The following VPS13B variants were observed in gnomAD, a reference collection of about 807,000 sequenced individuals.
VPS13B encodes the protein vacuolar protein sorting 13 homolog B, also known as intermembrane lipid transfer protein VPS13B.
Under a neutral mutation model 426.4 loss-of-function variants are expected in VPS13B, and 285 were observed. That is an observed-to-expected ratio of 0.67 (90% CI 0.61 to 0.74). The LOEUF is 0.74. VPS13B is among the 30% of genes least tolerant of loss of function. The probability of loss-of-function intolerance (pLI) is 0.00; values close to 1 mark genes in which losing one functional copy is unlikely to be tolerated. For synonymous variants in VPS13B, 1,676 were observed against 1,676.4 expected, an observed-to-expected ratio of 1.00 and a Z score of 0.01; for missense variants, 4,537 against 4,782.6, an observed-to-expected ratio of 0.95 and a Z score of 1.51.
At chr8:99,850,536 TTA>T (rs1816236358) in intron 55 of VPS13B, among the ~76,000 whole-genome samples, 1 of 151,808 alleles carries the variant, frequency 6.6e-6, no homozygotes. Context: ...TTTTGATTAT[TTA>T]TAATAGCATT....
At chr8:99,696,683 C>A in intron 35 of VPS13B, 1 of 769,094 alleles carries the variant, frequency 1.3e-6, no homozygotes, top group Non-Finnish European at 2.4e-6. Flanking sequence ...CCTTGAAGAA[C>A]ATAGCAGCCA....
At chr8:99,687,998 A>G (rs1831489723) in intron 35 of VPS13B, among the ~76,000 whole-genome samples, 2 of 151,998 alleles carry the variant, frequency 1.3e-5, no homozygotes, top group Admixed American at 1.3e-4. Context: ...TAAACTGGCA[A>G]AGAAAGGGTA....
At chr8:99,218,389 A>T (rs1187175880) in intron 17 of VPS13B, among the ~76,000 whole-genome samples, 1 of 152,154 alleles carries the variant, frequency 6.6e-6, no homozygotes, top group African/African-American at 2.4e-5. Flanking sequence ...CCAAAAGGAG[A>T]TGATTCCTTT....
intron 3 of VPS13B, among the ~76,000 whole-genome samples, chr8:99,055,905 T>C (rs1457724951): frequency 6.7e-6 from 1 of 149,248 alleles, no homozygotes; most frequent in Non-Finnish European, 1.5e-5. Context: ...AATTAATTTT[T>C]TTTTTTTTTT....
At chr8:99,811,093 C>T (rs1403607819) in intron 44 of VPS13B, among the ~76,000 whole-genome samples, 1 of 152,166 alleles carries the variant, frequency 6.6e-6, no homozygotes, top group Non-Finnish European at 1.5e-5. Context: ...GAATGTCTTA[C>T]CCACCTTCCC....
intron 24 of VPS13B, among the ~76,000 whole-genome samples, chr8:99,478,462 T>TTTTTTTTTTTTTTTTTTTTTTTTG: frequency 8.1e-6 from 1 of 123,496 alleles, no homozygotes; most frequent in Non-Finnish European, 1.6e-5. Context: ...TTTTTTTTTT[T>TTTTTTTTTTTTTTTTTTTTTTTTG]TTTGTTTTTT....
intron 19 of VPS13B, among the ~76,000 whole-genome samples, chr8:99,377,043 A>C (rs2133276625): frequency 6.6e-6 from 1 of 152,220 alleles, no homozygotes; most frequent in East Asian, 1.9e-4. Flanking sequence ...GAAGTTGGTC[A>C]TAAATTTATT....
intron 19 of VPS13B, among the ~76,000 whole-genome samples, chr8:99,288,875 G>T (rs1465063397): frequency 1.2e-4 from 18 of 151,958 alleles, no homozygotes; most frequent in Non-Finnish European, 2.5e-4. Flanking sequence ...TTTTGACATA[G>T]GAACAAAGAT....
intron 5 of VPS13B, among the ~76,000 whole-genome samples, chr8:99,105,470 C>T (rs1009528915): frequency 3.9e-5 from 6 of 152,110 alleles, no homozygotes; most frequent in Non-Finnish European, 7.4e-5. Context: ...CTTCTGCCTC[C>T]CGGGTTCAAG....
At chr8:99,796,826 C>G (rs2130746069) in intron 43 of VPS13B, 1 of 152,368 alleles carries the variant, frequency 6.6e-6, no homozygotes, top group East Asian at 1.9e-4. Flanking sequence ...TCCACGTGAT[C>G]TCACCAACAA....
At chr8:99,473,971 C>T (rs1015074469) in intron 24 of VPS13B, among the ~76,000 whole-genome samples, 14 of 152,028 alleles carry the variant, frequency 9.2e-5, no homozygotes, top group Admixed American at 3.3e-4. Flanking sequence ...AACCATAAAG[C>T]GTTGCTGAGA....
At chr8:99,323,032 A>C (rs1204185993) in intron 19 of VPS13B, among the ~76,000 whole-genome samples, 3 of 152,228 alleles carry the variant, frequency 2.0e-5, no homozygotes, top group Non-Finnish European at 4.4e-5. Flanking sequence ...AAGAGAGCCA[A>C]ATACTAGGAA....
At chr8:99,179,300 A>G (rs1812814746) in intron 16 of VPS13B, among the ~76,000 whole-genome samples, 1 of 152,120 alleles carries the variant, frequency 6.6e-6, no homozygotes, top group African/African-American at 2.4e-5. Context: ...TTGTTTTTGG[A>G]AGATCTAATT....
intron 34 of VPS13B, among the ~76,000 whole-genome samples, chr8:99,647,523 G>C (rs1185615373): frequency 2.7e-5 from 4 of 146,002 alleles, no homozygotes; most frequent in Admixed American, 6.9e-5. Flanking sequence ...AGGTTGCAGT[G>C]AGCCGAGATC....
intron 19 of VPS13B, among the ~76,000 whole-genome samples, chr8:99,322,137 C>A (rs1810016963): frequency 6.6e-6 from 1 of 152,074 alleles, no homozygotes; most frequent in Admixed American, 6.6e-5. Flanking sequence ...CTTGCTTTTG[C>A]CTTTTCCTTT....
At chr8:99,485,350 A>G (rs1302648061) in intron 25 of VPS13B, among the ~76,000 whole-genome samples, 2 of 152,170 alleles carry the variant, frequency 1.3e-5, no homozygotes, top group Non-Finnish European at 1.5e-5. Flanking sequence ...ATTCATTAAC[A>G]CCTTATTAAT....
intron 19 of VPS13B, among the ~76,000 whole-genome samples, chr8:99,283,037 G>T (rs1819250406): frequency 6.6e-6 from 1 of 152,102 alleles, no homozygotes. Flanking sequence ...CACTCTTTTG[G>T]TTCACCATTT....
chr8:99,360,154 CTT>C (rs1295517284), intron 19 of VPS13B, among the ~76,000 whole-genome samples: 5 of 33,016 alleles, frequency 1.5e-4, no homozygotes, highest in African/African-American at 7.5e-4. Flanking sequence ...TTCTTTCTTT[CTT>C]TCTTTCTTTC....
At chr8:99,645,317 A>C (rs979408623) in intron 34 of VPS13B, among the ~76,000 whole-genome samples, 1 of 152,240 alleles carries the variant, frequency 6.6e-6, no homozygotes, top group Non-Finnish European at 1.5e-5. Context: ...TTCATGAATA[A>C]TTCTAAAGTA....
Sources: allele counts gnomAD v4.1 joint callset (sites outside exome capture counted in the v4.1 genomes callset), GRCh38; gene constraint gnomAD v4.1.1; transcripts MANE v1.5; gene names NCBI Gene and HGNC (gene_info 2026-07-23, HGNC 2026-07-21).